Variants in EXOC6 observed in about 807,000 individuals in gnomAD.
EXOC6 encodes exocyst complex component 6, also known as SEC15-like 1.
In EXOC6, 60 loss-of-function variants were observed where a neutral mutation model predicts 112.5. That is an observed-to-expected ratio of 0.53 (90% CI 0.43 to 0.66). The LOEUF (loss-of-function observed/expected upper bound fraction) is 0.66, where lower values mean the gene tolerates loss of function less well. EXOC6 is among the 30% of genes least tolerant of loss of function. The pLI, the probability that EXOC6 is intolerant of heterozygous loss-of-function variation, is 0.00. For missense variants in EXOC6, 855 were observed against 957.1 expected, an observed-to-expected ratio of 0.89 and a Z score of 1.41; for synonymous variants, 295 against 308.0, an observed-to-expected ratio of 0.96 and a Z score of 0.44.
At chr10:92,869,642 G>C (rs1381193998) in intron 1 of EXOC6, among the ~76,000 whole-genome samples, 1 of 151,982 alleles carries the variant, frequency 6.6e-6, no homozygotes, top group African/African-American at 2.4e-5. Flanking sequence ...ATTGGTTTTT[G>C]CTCATATATA....
intron 1 of EXOC6, among the ~76,000 whole-genome samples, chr10:92,868,050 TA>T (rs1287128001): frequency 1.3e-5 from 2 of 152,202 alleles, no homozygotes; most frequent in Admixed American, 6.5e-5. Context: ...GTTATACTTT[TA>T]TTTTTTGCTG....
chr10:92,841,758 G>A (rs986624574), intron 1 of EXOC6, among the ~76,000 whole-genome samples: 5 of 152,190 alleles, frequency 3.3e-5, no homozygotes, highest in African/African-American at 1.2e-4. Flanking sequence ...TAAGTGAATG[G>A]GTTTTGGAAC....
At chr10:92,953,390 A>T (rs1853527380) in intron 15 of EXOC6, among the ~76,000 whole-genome samples, 1 of 152,080 alleles carries the variant, frequency 6.6e-6, no homozygotes, top group Non-Finnish European at 1.5e-5. Context: ...ACAGATTTTT[A>T]AAAGTAGTAT....
chr10:92,960,512 G>A (rs1589917971), intron 17 of EXOC6, among the ~76,000 whole-genome samples: 1 of 148,180 alleles, frequency 6.7e-6, no homozygotes, highest in East Asian at 2.1e-4. Context: ...AATTTGTGGG[G>A]TATGTAGTAA....
At chr10:93,052,392 A>G (rs1199462398) in intron 20 of EXOC6, among the ~76,000 whole-genome samples, 1 of 152,242 alleles carries the variant, frequency 6.6e-6, no homozygotes, top group Non-Finnish European at 1.5e-5. Flanking sequence ...AAGTGATTCA[A>G]CTATTTTGAG....
upstream of EXOC6, among the ~76,000 whole-genome samples, chr10:92,844,882 T>C (rs538719746): frequency 1.2e-4 from 19 of 152,258 alleles, no homozygotes; most frequent in African/African-American, 4.6e-4. Flanking sequence ...AAGAGATGAG[T>C]TGGAATTTGA....
intron 20 of EXOC6, among the ~76,000 whole-genome samples, chr10:93,050,737 G>A (rs1364279554): frequency 1.9e-5 from 2 of 106,444 alleles, no homozygotes; most frequent in Admixed American, 1.4e-4. Flanking sequence ...TCCAACCTGG[G>A]CAACAAAGCG....
intron 9 of EXOC6, among the ~76,000 whole-genome samples, chr10:92,932,876 A>G (rs961850484): frequency 6.6e-6 from 1 of 152,214 alleles, no homozygotes; most frequent in Admixed American, 6.5e-5. Context: ...TAGAATTAAA[A>G]TACACAACAG....
chr10:92,972,522 G>A (rs1842342390), intron 17 of EXOC6, among the ~76,000 whole-genome samples: 1 of 152,124 alleles, frequency 6.6e-6, no homozygotes, highest in Non-Finnish European at 1.5e-5. Flanking sequence ...GAACTGTGGT[G>A]CCACCTGTTT....
At chr10:92,989,658 A>G (rs1400652165) in intron 18 of EXOC6, among the ~76,000 whole-genome samples, 1 of 152,230 alleles carries the variant, frequency 6.6e-6, no homozygotes, top group Admixed American at 6.5e-5. Flanking sequence ...TACTCACTCG[A>G]TATAATAATC....
rs112718600 is a variant in EXOC6 at position 92,837,604 on chromosome 10, G to A, written c.86+2780G>A. Among the ~76,000 whole-genome samples, 1,321 of 152,286 alleles carry A rather than the reference G, an allele frequency of 8.7e-3. 11 individuals are homozygous for A. Among genetic ancestry groups the A allele is most frequent in the Non-Finnish European group, 0.012 (833 of 68,012 alleles). Reference sequence around the variant, plus strand: ...CTTGAGCCCAGGAAGTCAAGACTGCGGCGAGCTGTGATCATGCCACTGCAC... The same window carrying A: ...CTTGAGCCCAGGAAGTCAAGACTGCAGCGAGCTGTGATCATGCCACTGCAC... On this transcript the variant is annotated intron_variant, in intron 1 of 21. Transcript: ENST00000371552.
intron 1 of EXOC6, among the ~76,000 whole-genome samples, chr10:92,867,191 T>G (rs1848215455): frequency 1.3e-5 from 2 of 152,146 alleles, no homozygotes; most frequent in South Asian, 4.2e-4. Flanking sequence ...CTTAACTGGA[T>G]TTGAGCTCAG....
chr10:92,975,789 G>A (rs1316319897), intron 18 of EXOC6, among the ~76,000 whole-genome samples: 1 of 136,396 alleles, frequency 7.3e-6, no homozygotes, highest in Non-Finnish European at 1.6e-5. Context: ...CGGGAGGGAG[G>A]TGGGGGGGTC....
intron 19 of EXOC6, among the ~76,000 whole-genome samples, chr10:93,003,234 C>T (rs1428502050): frequency 6.6e-6 from 1 of 152,146 alleles, no homozygotes; most frequent in Non-Finnish European, 1.5e-5. Flanking sequence ...TGTATTTCCT[C>T]AGCCTCAAAA....
chr10:92,918,150 AAAAT>A (rs1214047354), intron 7 of EXOC6, among the ~76,000 whole-genome samples: 4 of 152,332 alleles, frequency 2.6e-5, no homozygotes, highest in East Asian at 1.9e-4. Context: ...CCATTTCAAA[AAAAT>A]AAATAAAATT....
intron 1 of EXOC6, among the ~76,000 whole-genome samples, chr10:92,843,470 A>C (rs889611176): frequency 4.6e-5 from 7 of 152,224 alleles, no homozygotes; most frequent in African/African-American, 1.4e-4. Context: ...GAAACATTTG[A>C]ATGATGTAAA....
intron 1 of EXOC6, among the ~76,000 whole-genome samples, chr10:92,892,395 A>G (rs1849552399): frequency 6.6e-6 from 1 of 152,230 alleles, no homozygotes; most frequent in Admixed American, 6.5e-5. Flanking sequence ...AGTATTGTCA[A>G]TCAGGGAAGC....
At chr10:92,976,927 T>A (rs558452311) in intron 18 of EXOC6, among the ~76,000 whole-genome samples, 32 of 152,192 alleles carry the variant, frequency 2.1e-4, no homozygotes, top group African/African-American at 7.7e-4. Flanking sequence ...ACTAGAGATA[T>A]TATGGTGGGA....
At chr10:92,868,818 T>G (rs1206796624) in intron 1 of EXOC6, among the ~76,000 whole-genome samples, 1 of 147,812 alleles carries the variant, frequency 6.8e-6, no homozygotes, top group Non-Finnish European at 1.5e-5. Context: ...CCTCCCTCTT[T>G]TTTTTTTTTT....
Sources: gnomAD v4.1 joint callset for allele counts (sites outside exome capture counted in the v4.1 genomes callset) on GRCh38, gnomAD v4.1.1 for gene constraint, MANE v1.5 for transcripts, NCBI Gene and HGNC (gene_info 2026-07-23, HGNC 2026-07-21) for gene names.